The following BRSK2 variants were observed in gnomAD, a reference collection of about 807,000 sequenced individuals.
BRSK2 encodes serine/threonine-protein kinase BRSK2.
BRSK2 carries 19 observed loss-of-function variants against 83.3 expected under a neutral mutation model. The ratio of observed to expected loss-of-function variants is 0.23; its 90% CI spans 0.16 to 0.33. BRSK2 has a LOEUF of 0.33. Ranked by LOEUF, BRSK2 falls within the 10% of genes least tolerant of loss-of-function variation. The pLI is 1.00. For missense variants in BRSK2, 798 were observed against 1,042.3 expected, an observed-to-expected ratio of 0.77 and a Z score of 3.23; for synonymous variants, 519 against 435.4, an observed-to-expected ratio of 1.19 and a Z score of -2.39.
At chr11:1,392,954 C>G (rs1274320099) in intron 1 of BRSK2, among the ~76,000 whole-genome samples, 6 of 152,148 alleles carry the variant, frequency 3.9e-5, no homozygotes, top group Admixed American at 3.9e-4. Context: ...CGTCAGAGCA[C>G]TGAGCATCTG....
chr11:1,426,995 G>A (rs756155943), intron 1 of BRSK2, among the ~76,000 whole-genome samples: 60 of 152,254 alleles, frequency 3.9e-4, no homozygotes, highest in African/African-American at 1.1e-3. Context: ...GTGCCGGGGC[G>A]GTGAGGGGGC....
At chr11:1,392,308 C>T (rs1590278539) in intron 1 of BRSK2, among the ~76,000 whole-genome samples, 1 of 152,240 alleles carries the variant, frequency 6.6e-6, no homozygotes, top group Non-Finnish European at 1.5e-5. Flanking sequence ...CGCCACCACC[C>T]GAGGACGATC....
At position 1,450,621 on chromosome 11, in the gene BRSK2, T is replaced by C. The variant is rs1282592656; in HGVS notation, c.1322T>C (p.Leu441Pro). The change falls in exon 14 of 20, where the codon CTC becomes CCC. Residue 441 changes from leucine (L) to proline (P), a missense_variant. Transcript: ENST00000528841. ...TPHPSPRGSP[L>P]PTPKGTPVHT... ...CACCCCTCACCAAGGGGCAGTCCCCTCCCCACCCCCAAGGGGACACCTGTC... is the reference window on the plus strand; with the variant it reads ...CACCCCTCACCAAGGGGCAGTCCCCCCCCCACCCCCAAGGGGACACCTGTC... 4 of 1,594,812 alleles carry C rather than the reference T, an allele frequency of 2.5e-6. No homozygotes were observed. In the African/African-American group the frequency reaches 5.4e-5, roughly 22 times the overall value.
At chr11:1,455,142 T>G (rs1391157189) in intron 16 of BRSK2, among the ~76,000 whole-genome samples, 1 of 152,148 alleles carries the variant, frequency 6.6e-6, no homozygotes, top group Non-Finnish European at 1.5e-5. Flanking sequence ...CATTTGTCTT[T>G]GCTGGGCATC....
chr11:1,408,932 G>A lies in BRSK2; in HGVS notation c.91+18557G>A, dbSNP rs143218479. On this transcript the variant is annotated intron_variant, in intron 1 of 19. Transcript: ENST00000528841. ...TGTCTGCCTGTGCAAGGGTGTGTGTGTGTATGTATCTGTATACAGGTGTTT... is the reference window on the plus strand; with the variant it reads ...TGTCTGCCTGTGCAAGGGTGTGTGTATGTATGTATCTGTATACAGGTGTTT... Among the ~76,000 whole-genome samples the A allele has an allele frequency of 8.7e-3, 1,313 of 151,722 alleles. 31 individuals carry two copies. The highest frequency in any genetic ancestry group is 0.052 in the Admixed American group (800 of 15,262).
intron 1 of BRSK2, among the ~76,000 whole-genome samples, chr11:1,399,168 G>A (rs1846309067): frequency 1.3e-5 from 2 of 152,202 alleles, no homozygotes; most frequent in African/African-American, 4.8e-5. Flanking sequence ...GGACGTTCCT[G>A]TGCTGTCTGT....
intron 1 of BRSK2, among the ~76,000 whole-genome samples, chr11:1,428,219 G>C (rs1036263521): frequency 3.3e-5 from 5 of 152,174 alleles, no homozygotes; most frequent in African/African-American, 1.2e-4. Context: ...CTGAGCATAG[G>C]CAGGAGGCTC....
intron 18 of BRSK2, among the ~76,000 whole-genome samples, chr11:1,458,425 C>T (rs757261744): frequency 6.6e-5 from 10 of 152,168 alleles, no homozygotes; most frequent in Admixed American, 1.3e-4. Flanking sequence ...AGCCTATCCC[C>T]GTGATCTCGC....
At chr11:1,414,077 A>T (rs1165233945) in intron 1 of BRSK2, among the ~76,000 whole-genome samples, 2 of 152,264 alleles carry the variant, frequency 1.3e-5, no homozygotes, top group Non-Finnish European at 2.9e-5. Flanking sequence ...ACAATTGTTC[A>T]TTAATTTAAA....
chr11:1,394,645 A>C (rs1218067393), intron 1 of BRSK2, among the ~76,000 whole-genome samples: 7 of 70,794 alleles, frequency 9.9e-5, no homozygotes, highest in South Asian at 6.5e-4. Flanking sequence ...GAGATGGGCC[A>C]TGGAGATGGG....
At position 1,423,954 on chromosome 11, in the gene BRSK2, C is replaced by T. The variant is rs1177805180; in HGVS notation, c.92-12086C>T. On this transcript the variant is annotated intron_variant, in intron 1 of 19. Coordinates refer to ENST00000528841, the MANE Select transcript of BRSK2 (RefSeq NM_001256627.2). The surrounding 1 kb of genome is among the most constrained non-coding windows in gnomAD (Gnocchi z 6.5). ...GTGTCCCCAGCCACACTTTCCTCGG[C>T]CTTTCTCTGATAGGAAGGCTGGTAG... Among the ~76,000 whole-genome samples, 3 of 152,152 alleles carry T rather than the reference C, an allele frequency of 2.0e-5. No individual in the cohort carries two copies. The highest frequency in any genetic ancestry group is 4.8e-5 in the African/African-American group (2 of 41,416).
At chr11:1,422,326 C>T (rs1466157476) in intron 1 of BRSK2, among the ~76,000 whole-genome samples, 1 of 152,140 alleles carries the variant, frequency 6.6e-6, no homozygotes, top group Admixed American at 6.5e-5. Flanking sequence ...TCCAGCCGCT[C>T]CTCCACCCTG....
chr11:1,460,550 G>A lies in BRSK2; in HGVS notation c.2038G>A (p.Glu680Lys), dbSNP rs779919104. The A allele has an allele frequency of 8.6e-5, 130 of 1,518,738 alleles. No individual in the cohort carries two copies. The highest frequency in any genetic ancestry group is 1.1e-4 in the Non-Finnish European group (122 of 1,139,194). The allele number at this position is 1,518,738 out of a possible 1,614,324, so 94.1% of individuals were successfully genotyped here. A position where few individuals can be genotyped will look rare whatever the true frequency, so the allele number is the denominator to read the frequency against. ...FDVIKQLFSD[E>K]KNGQAAQAPS... Reference sequence around the variant, plus strand: ...CGTAATTAAACAACTTTTTTCAGACGAGAAGAACGGGCAGGCGGCCCAGGC... The same window carrying A: ...CGTAATTAAACAACTTTTTTCAGACAAGAAGAACGGGCAGGCGGCCCAGGC... The change falls in exon 20 of 20, where the codon GAG becomes AAG. Residue 680 changes from glutamate to lysine, a missense_variant. Glu to Lys is a moderately conservative substitution (Grantham distance 56). Transcript: ENST00000528841.
Position 1,390,440 on chromosome 11 carries a change from G to C in BRSK2, c.91+65G>C. The C allele has an allele frequency of 2.2e-6, 2 of 919,774 alleles. No homozygotes were observed. The highest frequency in any genetic ancestry group is 2.6e-6 in the Non-Finnish European group (2 of 765,292). 57.0% of individuals were successfully genotyped at this position (919,774 alleles called of 1,614,324 possible). The stretch of plus-strand genomic sequence containing the variant: ...GCGCTGGCAGCGCGCTGGGTGGGGG[G>C]CGCCCGAGGGAGGCCCCGGCCGCGA... On this transcript the variant is annotated intron_variant, in intron 1 of 19. Transcript: ENST00000528841. The surrounding 1 kb of genome is among the most constrained non-coding windows in gnomAD (Gnocchi z 6.8).
In BRSK2 at chr11:1,461,155, C is replaced by T. The variant is rs981420432; in HGVS notation, c.*432C>T. ...TCCGCACGGCCCGTGGGAGGAAGGC[C>T]AGGCTCGGGGGAGCCTCCTCCAGCC... On this transcript the variant is annotated 3_prime_UTR_variant, in exon 20 of 20. Coordinates refer to ENST00000528841, the MANE Select transcript of BRSK2 (RefSeq NM_001256627.2). 1 of 1,086,254 alleles carries T rather than the reference C, an allele frequency of 9.2e-7. No homozygotes were observed. The highest frequency in any genetic ancestry group is 1.3e-6 in the Non-Finnish European group (1 of 781,272). The allele number at this position is 1,086,254 out of a possible 1,614,324, so 67.3% of individuals were successfully genotyped here.
rs1490436119 is a variant in BRSK2, at chr11:1,437,741, C to T, written c.187-565C>T. On this transcript the variant is annotated intron_variant, in intron 2 of 19. Coordinates refer to ENST00000528841, the MANE Select transcript of BRSK2 (RefSeq NM_001256627.2). ...GCCTCCACCGTAAGGAAGGGCGGAG[C>T]CCAGGCACAGCCTGCCTGGAAGGGC... Among the ~76,000 whole-genome samples the T allele has an allele frequency of 3.3e-5, 5 of 152,230 alleles. No individual in the cohort carries two copies. The East Asian group carries it at 5.8e-4, about 18-fold the overall frequency.
intron 15 of BRSK2, among the ~76,000 whole-genome samples, chr11:1,452,372 G>A (rs143590373): frequency 6.6e-6 from 1 of 152,346 alleles, no homozygotes; most frequent in Non-Finnish European, 1.5e-5. Context: ...AGATGCACAG[G>A]GCTCAGCAGA....
intron 14 of BRSK2, 57 bp downstream of exon 14, chr11:1,450,851 G>T: frequency 2.7e-6 from 4 of 1,492,272 alleles, no homozygotes; most frequent in Non-Finnish European, 3.6e-6. Flanking sequence ...AGGCTGCCTT[G>T]GGGAGGGCCC....
At chr11:1,410,706 C>T (rs1847383596) in intron 1 of BRSK2, 3 of 985,418 alleles carry the variant, frequency 3.0e-6, no homozygotes, top group Non-Finnish European at 3.6e-6. Flanking sequence ...GGAGCCCCCG[C>T]CTGCCTAGGG....
Sources: gnomAD v4.1 joint callset for allele counts (sites outside exome capture counted in the v4.1 genomes callset) on GRCh38, gnomAD v4.1.1 for gene constraint, Gnocchi (gnomAD v3.1) non-coding constraint, MANE v1.5 for transcripts, NCBI Gene and HGNC (gene_info 2026-07-23, HGNC 2026-07-21) for gene names.